KCNJ3: variants seen among roughly 807,000 people sequenced by gnomAD.
The protein encoded by KCNJ3 is G protein-activated inward rectifier potassium channel 1.
In KCNJ3, 4 loss-of-function variants were observed where a neutral mutation model predicts 39.2. That is an observed-to-expected ratio of 0.10 (90% CI 0.05 to 0.23). KCNJ3 has a LOEUF of 0.23. KCNJ3 is among the 10% of genes least tolerant of loss of function. The pLI is 1.00. For synonymous variants in KCNJ3, 230 were observed against 237.4 expected (o/e 0.97, Z 0.29); for missense variants, 276 against 634.9 (o/e 0.43, Z 6.08).
chr2:154,787,633 A>G (rs1398252630), intron 2 of KCNJ3, among the ~76,000 whole-genome samples: 1 of 151,966 alleles, frequency 6.6e-6, no homozygotes, highest in Non-Finnish European at 1.5e-5. Flanking sequence ...CAATTAATAC[A>G]TGGCAAAGCC....
In KCNJ3 at chr2:154,699,062, T is replaced by A; in HGVS notation, c.287T>A (p.Leu96His). 6.2e-7 allele frequency: 1 copy of A among 1,614,206 alleles called. No homozygotes were observed. The highest frequency in any genetic ancestry group is 8.5e-7 in the Non-Finnish European group (1 of 1,180,052). The part of the protein sequence containing the change: ...IFILTYTVAW[L>H]FMASMWWVIA... ...ATTCTCACCTACACCGTGGCCTGGC[T>A]TTTCATGGCGTCCATGTGGTGGGTG... Residue 96 changes from leucine to histidine, a missense_variant, in exon 1 of 3, where the codon CTT becomes CAT. Leu to His is a moderately conservative substitution (Grantham distance 99, BLOSUM62 -3). Coordinates refer to ENST00000295101, the MANE Select transcript of KCNJ3 (RefSeq NM_002239.4). This position sits in a 1 kb window ranked among gnomAD's most constrained non-coding sequence, Gnocchi z 6.4.
At chr2:154,729,602 T>C (rs1163086447) in intron 2 of KCNJ3, among the ~76,000 whole-genome samples, 4 of 152,190 alleles carry the variant, frequency 2.6e-5, no homozygotes, top group Non-Finnish European at 4.4e-5. Flanking sequence ...TTAATCATTA[T>C]ATGAACCATC....
chr2:154,807,599 A>C (rs555481190), intron 2 of KCNJ3, among the ~76,000 whole-genome samples: 1 of 152,204 alleles, frequency 6.6e-6, no homozygotes, highest in South Asian at 2.1e-4. Flanking sequence ...CACTGATACA[A>C]ATGGGGATGG....
intron 2 of KCNJ3, among the ~76,000 whole-genome samples, chr2:154,839,864 AT>A (rs1183853280): frequency 6.6e-6 from 1 of 151,962 alleles, no homozygotes; most frequent in Non-Finnish European, 1.5e-5. Context: ...GATTGCAAAA[AT>A]TTCCTCCTCA....
chr2:154,725,630 A>G (rs1233749618), intron 2 of KCNJ3, among the ~76,000 whole-genome samples: 1 of 152,168 alleles, frequency 6.6e-6, no homozygotes, highest in Non-Finnish European at 1.5e-5. Context: ...GAACCAAAAA[A>G]GAGCCCACAT....
intron 2 of KCNJ3, among the ~76,000 whole-genome samples, chr2:154,801,829 A>G (rs1430185531): frequency 6.6e-6 from 1 of 151,762 alleles, no homozygotes; most frequent in Admixed American, 6.6e-5. Flanking sequence ...ATTTTGACAT[A>G]TTGCCCAAGC....
chr2:154,819,344 G>C (rs2105108617), intron 2 of KCNJ3, among the ~76,000 whole-genome samples: 1 of 152,068 alleles, frequency 6.6e-6, no homozygotes, highest in Middle Eastern at 3.4e-3. Flanking sequence ...ATAGTAAACT[G>C]TCATATACCC....
intron 2 of KCNJ3, among the ~76,000 whole-genome samples, chr2:154,726,781 T>C (rs1010107828): frequency 5.2e-4 from 51 of 97,944 alleles, no homozygotes; most frequent in African/African-American, 1.5e-3. Context: ...CACACACACA[T>C]ACATTTTATA....
intron 2 of KCNJ3, among the ~76,000 whole-genome samples, chr2:154,768,326 C>T (rs1272499815): frequency 6.6e-6 from 1 of 152,182 alleles, no homozygotes; most frequent in Non-Finnish European, 1.5e-5. Context: ...TTAGGTCTAA[C>T]ATGTAAGTCT....
intron 2 of KCNJ3, among the ~76,000 whole-genome samples, chr2:154,724,278 G>A (rs1394712615): frequency 1.3e-5 from 2 of 151,794 alleles, no homozygotes; most frequent in African/African-American, 4.8e-5. Flanking sequence ...TGTGCATCCT[G>A]GCTTCTGATG....
chr2:154,729,963 C>T (rs1455706490), intron 2 of KCNJ3, among the ~76,000 whole-genome samples: 4 of 152,014 alleles, frequency 2.6e-5, no homozygotes, highest in Non-Finnish European at 5.9e-5. Flanking sequence ...TCGAAGACTT[C>T]ATATAAAAGC....
chr2:154,698,771 G>T lies in KCNJ3; in HGVS notation c.-5G>T. 1 of 1,589,946 alleles carries T rather than the reference G, an allele frequency of 6.3e-7. No homozygotes were observed. Among genetic ancestry groups the T allele is most frequent in the Non-Finnish European group, 8.6e-7 (1 of 1,162,704 alleles). ...GCGTTTGAATCTGGCTCGCCCCTTC[G>T]TATTATGTCTGCACTCCGAAGGAAA... On this transcript the variant is annotated 5_prime_UTR_variant, in exon 1 of 3. Coordinates refer to ENST00000295101, the MANE Select transcript of KCNJ3 (RefSeq NM_002239.4).
At chr2:154,709,478 G>A in intron 1 of KCNJ3, 125 bp from the exon 2 acceptor site, 1 of 957,346 alleles carries the variant, frequency 1.0e-6, no homozygotes, top group South Asian at 1.7e-5. Flanking sequence ...ATAATGATTT[G>A]TTTGGATTTT....
chr2:154,769,664 A>G (rs897279646), intron 2 of KCNJ3, among the ~76,000 whole-genome samples: 8 of 152,032 alleles, frequency 5.3e-5, no homozygotes, highest in African/African-American at 9.7e-5. Context: ...TATTGTGTCT[A>G]TGCCAGGCTT....
chr2:154,812,650 G>T (rs983363079), intron 2 of KCNJ3, among the ~76,000 whole-genome samples: 1 of 152,040 alleles, frequency 6.6e-6, no homozygotes, highest in African/African-American at 2.4e-5. Flanking sequence ...TTAGACTAAA[G>T]AATTTTTTTA....
intron 2 of KCNJ3, among the ~76,000 whole-genome samples, chr2:154,789,964 A>G (rs1686597796): frequency 6.6e-6 from 1 of 152,088 alleles, no homozygotes; most frequent in South Asian, 2.1e-4. Flanking sequence ...ATAATTTATA[A>G]TGCTTGAGGA....
At chr2:154,806,100 A>T (rs1686907302) in intron 2 of KCNJ3, among the ~76,000 whole-genome samples, 1 of 152,150 alleles carries the variant, frequency 6.6e-6, no homozygotes, top group Non-Finnish European at 1.5e-5. Flanking sequence ...ATCTCATTCA[A>T]AATGTATGTT....
chr2:154,782,541 T>TACTC (rs35283065), intron 2 of KCNJ3, among the ~76,000 whole-genome samples: 106,116 of 151,360 alleles, frequency 0.7, 37,299 homozygotes, highest in Non-Finnish European at 0.72. Flanking sequence ...CACACACACA[T>TACTC]ACACGCAGGC....
intron 2 of KCNJ3, among the ~76,000 whole-genome samples, chr2:154,720,006 C>A (rs1685243343): frequency 1.3e-5 from 2 of 151,978 alleles, no homozygotes; most frequent in African/African-American, 2.4e-5. Flanking sequence ...ATAGCAGTGA[C>A]CTTAGCACTC....
Sources: allele counts gnomAD v4.1 joint callset (sites outside exome capture counted in the v4.1 genomes callset), GRCh38; gene constraint gnomAD v4.1.1; non-coding constraint Gnocchi (gnomAD v3.1); transcripts MANE v1.5; gene names NCBI Gene and HGNC (gene_info 2026-07-23, HGNC 2026-07-21).